Variants in MYO1D observed in about 807,000 individuals in gnomAD.
MYO1D encodes the protein myosin ID.
Under a neutral mutation model 122.0 loss-of-function variants are expected in MYO1D, and 83 were observed. The ratio of observed to expected loss-of-function variants is 0.68; its 90% confidence interval spans 0.57 to 0.82. The LOEUF is 0.82. Among genes scored for constraint, MYO1D ranks in the 40% least tolerant of loss-of-function variants. MYO1D has a pLI of 0.00. For synonymous variants in MYO1D, 464 were observed against 446.9 expected (o/e 1.04, Z -0.48); for missense variants, 1,157 against 1,269.5 (o/e 0.91, Z 1.35).
intron 1 of MYO1D, among the ~76,000 whole-genome samples, chr17:32,811,741 G>A (rs974319148): frequency 2.7e-5 from 4 of 149,612 alleles, no homozygotes; most frequent in Non-Finnish European, 4.4e-5. Context: ...ATGGATCTTG[G>A]TTAGTCTAAG....
Position 32,494,847 on chromosome 17 carries a change from G to T in MYO1D, c.2933C>A (p.Thr978Asn). 1 of 1,613,998 alleles carries T rather than the reference G, an allele frequency of 6.2e-7. No homozygotes were observed. Among genetic ancestry groups the T allele is most frequent in the Non-Finnish European group, 8.5e-7 (1 of 1,179,922 alleles). The change falls in exon 22 of 22, where the codon ACC (threonine) becomes AAC (asparagine). Residue 978 changes from threonine (T) to asparagine (N), a missense_variant. Physicochemically the swap from Thr to Asn is moderately conservative, Grantham distance 65 (BLOSUM62 0). Coordinates refer to ENST00000318217, the MANE Select transcript of MYO1D (RefSeq NM_015194.3). ...VQCSLHGKKC[T>N]VSVETRLNQP... is the part of the protein sequence containing the mutation. The stretch of plus-strand genomic sequence containing the variant: ...GTTGAGCCGCGTCTCCACGGAGACG[G>T]TGCACTTCTTCCCGTGCAGGCTGCA...
chr17:32,590,574 A>T (rs2087430446), intron 21 of MYO1D, among the ~76,000 whole-genome samples: 1 of 152,212 alleles, frequency 6.6e-6, no homozygotes, highest in Non-Finnish European at 1.5e-5. Context: ...CTGACCTGTG[A>T]TGGGTGCTTA....
chr17:32,761,594 C>T (rs1404849262), intron 8 of MYO1D, among the ~76,000 whole-genome samples: 2 of 152,156 alleles, frequency 1.3e-5, no homozygotes, highest in Non-Finnish European at 2.9e-5. Context: ...GTCCTCTTCT[C>T]TTCACTCTCT....
intron 16 of MYO1D, among the ~76,000 whole-genome samples, chr17:32,663,685 CTCT>C (rs2088600807): frequency 6.6e-6 from 1 of 152,194 alleles, no homozygotes; most frequent in South Asian, 2.1e-4. Flanking sequence ...ACCTTGCCTA[CTCT>C]TCTTGCTTGT....
intron 16 of MYO1D, among the ~76,000 whole-genome samples, chr17:32,700,770 C>A (rs1292900148): frequency 1.3e-5 from 2 of 151,524 alleles, no homozygotes; most frequent in Non-Finnish European, 2.9e-5. Flanking sequence ...ATGGTGAAAC[C>A]CTGTTTCTAC....
intron 21 of MYO1D, among the ~76,000 whole-genome samples, chr17:32,533,756 T>C (rs761521590): frequency 2.2e-4 from 34 of 152,190 alleles, no homozygotes; most frequent in Non-Finnish European, 3.5e-4. Flanking sequence ...CTGGCTTTCA[T>C]ACTTGCTCTT....
intron 21 of MYO1D, among the ~76,000 whole-genome samples, chr17:32,563,204 CTCTT>C (rs1172221619): frequency 1.0e-4 from 11 of 105,128 alleles, no homozygotes; most frequent in Admixed American, 3.1e-4. Flanking sequence ...TTTTTCTTCT[CTCTT>C]TTTTTTTTTT....
rs115153518 is a variant in MYO1D at position 32,620,769 on chromosome 17, T to C, written c.2710-15528A>G. Among the ~76,000 whole-genome samples the C allele has an allele frequency of 3.8e-3, 574 of 152,314 alleles. 2 individuals carry two copies. The highest frequency in any genetic ancestry group is 0.013 in the African/African-American group (527 of 41,570). On this transcript the variant is annotated intron_variant, in intron 20 of 21. Transcript: ENST00000318217. ...TAATGCCCCAAACAAATCAGAAATG[T>C]AGTTTCTCCTGCAGTGGTTTCTGAT...
chr17:32,742,278 G>T (rs2089782071), intron 13 of MYO1D, among the ~76,000 whole-genome samples: 1 of 152,176 alleles, frequency 6.6e-6, no homozygotes, highest in Non-Finnish European at 1.5e-5. Flanking sequence ...TATCTTCAGT[G>T]GAGGAGGGTA....
chr17:32,524,668 T>C (rs1325951535), intron 21 of MYO1D, among the ~76,000 whole-genome samples: 1 of 151,662 alleles, frequency 6.6e-6, no homozygotes, highest in East Asian at 1.9e-4. Flanking sequence ...GTTCAAGCGA[T>C]TCTCCTGCCT....
chr17:32,701,597 C>G (rs1408316967), intron 16 of MYO1D, among the ~76,000 whole-genome samples: 1 of 152,156 alleles, frequency 6.6e-6, no homozygotes, highest in Non-Finnish European at 1.5e-5. Context: ...GGGTCACACT[C>G]TGTCACTTAA....
At chr17:32,857,200 G>C (rs1319572926) in intron 1 of MYO1D, among the ~76,000 whole-genome samples, 1 of 152,138 alleles carries the variant, frequency 6.6e-6, no homozygotes, top group Non-Finnish European at 1.5e-5. Flanking sequence ...CCTAGTAGCT[G>C]CCCCAATAAT....
At chr17:32,746,961 C>T (rs760128182) in intron 12 of MYO1D, among the ~76,000 whole-genome samples, 5 of 152,124 alleles carry the variant, frequency 3.3e-5, no homozygotes, top group African/African-American at 9.7e-5. Flanking sequence ...TCTGCATTTG[C>T]GTCATTCTGA....
At chr17:32,535,673 C>T (rs62062468) in intron 21 of MYO1D, among the ~76,000 whole-genome samples, 14,602 of 152,240 alleles carry the variant, frequency 0.096, 810 homozygotes, top group South Asian at 0.18. Flanking sequence ...ATCGCTTGAA[C>T]CCAGGAAGCG....
intron 16 of MYO1D, among the ~76,000 whole-genome samples, chr17:32,711,660 A>G (rs2089378358): frequency 6.6e-6 from 1 of 152,148 alleles, no homozygotes; most frequent in Admixed American, 6.5e-5. Flanking sequence ...GGGAAAAAAA[A>G]AGTCCTTTAT....
intron 1 of MYO1D, among the ~76,000 whole-genome samples, chr17:32,807,320 T>C (rs2090523974): frequency 6.6e-6 from 1 of 152,168 alleles, no homozygotes; most frequent in Non-Finnish European, 1.5e-5. Context: ...TGTTAACTTA[T>C]ATATTCTTCC....
intron 21 of MYO1D, among the ~76,000 whole-genome samples, chr17:32,520,494 A>T (rs1248855733): frequency 1.3e-5 from 2 of 152,250 alleles, no homozygotes; most frequent in African/African-American, 2.4e-5. Flanking sequence ...GCAAAGTCCC[A>T]CCTTTATGAC....
At chr17:32,654,177 T>C (rs2088439289) in intron 18 of MYO1D, among the ~76,000 whole-genome samples, 1 of 152,126 alleles carries the variant, frequency 6.6e-6, no homozygotes, top group South Asian at 2.1e-4. Context: ...TGGGAATAAT[T>C]AATATAAAGG....
In MYO1D at chr17:32,804,437, C is replaced by T. The variant is rs1004041903; in HGVS notation, c.96-23653G>A. 1.1e-4 allele frequency among the ~76,000 whole-genome samples: 17 copies of T among 152,208 alleles called. No individual in the cohort carries two copies. The South Asian group carries it at 3.5e-3, about 32-fold the overall frequency. On this transcript the variant is annotated intron_variant, in intron 1 of 21. Coordinates refer to ENST00000318217, the MANE Select transcript of MYO1D (RefSeq NM_015194.3). The stretch of plus-strand genomic sequence containing the variant: ...ACTAAAATTATTAATAAAACTTATG[C>T]AATTTTTATTTTTAAATATTGTCCT...
Sources: gnomAD v4.1 joint callset for allele counts (sites outside exome capture counted in the v4.1 genomes callset) on GRCh38, gnomAD v4.1.1 for gene constraint, MANE v1.5 for transcripts, NCBI Gene and HGNC (gene_info 2026-07-23, HGNC 2026-07-21) for gene names.